NPSR1: variants seen among roughly 807,000 people sequenced by gnomAD.
The protein encoded by NPSR1 is neuropeptide S receptor 1, also known as neuropeptide S receptor.
Under a neutral mutation model 46.9 loss-of-function variants are expected in NPSR1, and 48 were observed. That is an observed-to-expected ratio of 1.02 (90% CI 0.81 to 1.30). NPSR1 has a LOEUF of 1.30. NPSR1 is among the 50% of genes most tolerant of loss of function. The pLI is 0.00. For missense variants in NPSR1, 450 were observed against 449.5 expected, an observed-to-expected ratio of 1.00 and a Z score of -0.01; for synonymous variants, 176 against 168.1, an observed-to-expected ratio of 1.05 and a Z score of -0.36.
intron 3 of NPSR1, among the ~76,000 whole-genome samples, chr7:34,787,328 G>A (rs778377801): frequency 6.6e-6 from 1 of 152,100 alleles, no homozygotes; most frequent in East Asian, 1.9e-4. Flanking sequence ...AGCCTTCATA[G>A]AGGTGAAGAG....
At chr7:34,695,130 T>A (rs554196507) in intron 2 of NPSR1, among the ~76,000 whole-genome samples, 1 of 152,226 alleles carries the variant, frequency 6.6e-6, no homozygotes, top group South Asian at 2.1e-4. Flanking sequence ...CACAGATCAA[T>A]GAAACAGAAT....
At chr7:34,854,290 G>A (rs572094857), downstream of NPSR1, among the ~76,000 whole-genome samples, 9 of 152,320 alleles carry the variant, frequency 5.9e-5, no homozygotes, top group East Asian at 1.7e-3. Flanking sequence ...CACATAGGAA[G>A]ATGGTGGTTT....
chr7:34,711,356 TCCTGTAC>T (rs1783276775), intron 2 of NPSR1: 1 of 152,796 alleles, frequency 6.5e-6, no homozygotes, highest in South Asian at 2.1e-4. Context: ...GCAAATAACT[TCCTGTAC>T]CCCTTCAAAT....
rs540432926 is a variant in NPSR1, at chr7:34,681,505, G to A, written c.148-3047G>A. Among the ~76,000 whole-genome samples the A allele has an allele frequency of 1.4e-4, 22 of 152,280 alleles. No homozygotes were observed. The East Asian group carries it at 2.3e-3, about 16-fold the overall frequency. Reference sequence around the variant, plus strand: ...TTGTGGATTCAGTTTCTTCTCCCACGTGGATGAACAGCAGCAGCGGAAGAG... The same window carrying A: ...TTGTGGATTCAGTTTCTTCTCCCACATGGATGAACAGCAGCAGCGGAAGAG... On this transcript the variant is annotated intron_variant, in intron 1 of 8. Transcript: ENST00000360581.
intron 2 of NPSR1, among the ~76,000 whole-genome samples, chr7:34,723,644 T>C (rs1246236425): frequency 6.6e-6 from 1 of 152,150 alleles, no homozygotes; most frequent in African/African-American, 2.4e-5. Flanking sequence ...ATTGAAATTC[T>C]TTACCAAAAG....
intron 2 of NPSR1, among the ~76,000 whole-genome samples, chr7:34,687,583 T>C (rs2128686681): frequency 6.6e-6 from 1 of 152,272 alleles, no homozygotes; most frequent in South Asian, 2.1e-4. Context: ...GACTCACTCA[T>C]TATCACAACA....
chr7:34,661,524 C>A (rs953684904), intron 1 of NPSR1, among the ~76,000 whole-genome samples: 1 of 152,202 alleles, frequency 6.6e-6, no homozygotes, highest in Non-Finnish European at 1.5e-5. Context: ...AGACAAAGCA[C>A]CCCGTCTAGA....
rs564258503 is a variant in NPSR1, at chr7:34,857,161, A to G, written c.1025+8498A>G. Among the ~76,000 whole-genome samples the G allele has an allele frequency of 3.7e-4, 56 of 151,890 alleles. 1 individual carries two copies. The highest frequency in any genetic ancestry group is 1.3e-3 in the African/African-American group (55 of 41,162). On this transcript the variant is annotated intron_variant, in intron 8 of 8. Coordinates refer to the NPSR1 transcript ENST00000359791. ...TGAAATGCAGAAATATATCATGACTATTGTTCAGAAACTGAATATCCTAAG... is the reference window on the plus strand; with the variant it reads ...TGAAATGCAGAAATATATCATGACTGTTGTTCAGAAACTGAATATCCTAAG...
intron 3 of NPSR1, among the ~76,000 whole-genome samples, chr7:34,807,175 G>T (rs1788739425): frequency 6.6e-6 from 1 of 152,090 alleles, no homozygotes; most frequent in African/African-American, 2.4e-5. Flanking sequence ...AAAAAAACAT[G>T]TTACTAATTT....
Position 34,693,935 on chromosome 7 carries a change from G to A in NPSR1, c.280+9251G>A, listed in dbSNP as rs142330870. Among the ~76,000 whole-genome samples, 157 of 152,040 alleles carry A rather than the reference G, an allele frequency of 1.0e-3. 1 individual carries two copies. Among genetic ancestry groups the A allele is most frequent in the African/African-American group, 1.7e-3 (71 of 41,510 alleles). ...TATGATCATCTCAATACAATAAGGC[G>A]TCAATAAAATCCAACATCTTTTGAT... On this transcript the variant is annotated intron_variant, in intron 2 of 8. Transcript: ENST00000360581.
chr7:34,812,621 G>A (rs34069215), intron 4 of NPSR1, among the ~76,000 whole-genome samples: 3,931 of 152,272 alleles, frequency 0.026, 72 homozygotes, highest in Non-Finnish European at 0.041. Context: ...GAGCAGTAAT[G>A]CCCTAGAGGA....
At chr7:34,789,771 A>C (rs184462) in intron 3 of NPSR1, among the ~76,000 whole-genome samples, 1 of 150,114 alleles carries the variant, frequency 6.7e-6, no homozygotes, top group South Asian at 2.1e-4. Flanking sequence ...AAAATAGATA[A>C]CCTAGAGGAA....
At chr7:34,680,722 G>C (rs1291861053) in intron 1 of NPSR1, among the ~76,000 whole-genome samples, 1 of 152,068 alleles carries the variant, frequency 6.6e-6, no homozygotes, top group Admixed American at 6.5e-5. Flanking sequence ...TCACAAGAAC[G>C]AATATTGCAA....
intron 4 of NPSR1, among the ~76,000 whole-genome samples, chr7:34,819,509 G>T (rs903003275): frequency 1.3e-5 from 2 of 152,168 alleles, no homozygotes; most frequent in Non-Finnish European, 2.9e-5. Context: ...ACAGTGTGGC[G>T]ATTCCTCAAG....
At chr7:34,664,332 A>C (rs1164579425) in intron 1 of NPSR1, among the ~76,000 whole-genome samples, 2 of 152,030 alleles carry the variant, frequency 1.3e-5, no homozygotes, top group South Asian at 2.1e-4. Flanking sequence ...TCCTGTAGAG[A>C]GTTGTTGTGA....
intron 1 of NPSR1, among the ~76,000 whole-genome samples, chr7:34,672,435 C>A (rs1394279194): frequency 6.6e-6 from 1 of 152,176 alleles, no homozygotes; most frequent in African/African-American, 2.4e-5. Flanking sequence ...CAAGGATTCA[C>A]CAGTAACCAG....
chr7:34,742,913 T>C (rs890600962), intron 2 of NPSR1, among the ~76,000 whole-genome samples: 2 of 152,242 alleles, frequency 1.3e-5, no homozygotes, highest in Non-Finnish European at 2.9e-5. Flanking sequence ...ATCAGTGATA[T>C]TGAGCTTTAT....
intron 2 of NPSR1, among the ~76,000 whole-genome samples, chr7:34,757,699 C>T (rs956500181): frequency 4.6e-5 from 7 of 152,202 alleles, no homozygotes; most frequent in Non-Finnish European, 1.0e-4. Context: ...TCCTCTCACT[C>T]TGCTATCTAG....
chr7:34,766,139 A>T (rs1786419041), intron 2 of NPSR1, among the ~76,000 whole-genome samples: 2 of 152,254 alleles, frequency 1.3e-5, no homozygotes, highest in East Asian at 1.9e-4. Context: ...AAATAAAGCC[A>T]TGATGAAATA....
Sources: allele counts gnomAD v4.1 joint callset (sites outside exome capture counted in the v4.1 genomes callset), GRCh38; gene constraint gnomAD v4.1.1; transcripts MANE v1.5; gene names NCBI Gene and HGNC (gene_info 2026-07-23, HGNC 2026-07-21).